Variants in DNAH14 observed in about 807,000 individuals in gnomAD.
DNAH14 encodes axonemal beta dynein heavy chain 14.
In DNAH14, 478 loss-of-function variants were observed where a neutral mutation model predicts 520.9. The observed-to-expected ratio is 0.92, with a 90% CI of 0.85 to 0.99. DNAH14 has a LOEUF of 0.99. DNAH14 is among the 50% of genes least tolerant of loss of function. The probability of loss-of-function intolerance (pLI) is 0.00; values close to 1 mark genes in which losing one functional copy is unlikely to be tolerated. For synonymous variants in DNAH14, 1,581 were observed against 1,757.2 expected (o/e 0.90, Z 2.51); for missense variants, 4,831 against 5,234.5 (o/e 0.92, Z 2.38).
chr1:225,011,052 C>T (rs191999174), intron 10 of DNAH14, among the ~76,000 whole-genome samples: 1 of 151,542 alleles, frequency 6.6e-6, no homozygotes, highest in East Asian at 1.9e-4. Flanking sequence ...AAAACAGCTC[C>T]TGGATTCATT....
At chr1:225,107,690 T>C (rs2076180472) in intron 23 of DNAH14, among the ~76,000 whole-genome samples, 1 of 152,188 alleles carries the variant, frequency 6.6e-6, no homozygotes, top group South Asian at 2.1e-4. Context: ...ATGGTAGCTC[T>C]ATTTTTAGTT....
intron 72 of DNAH14, among the ~76,000 whole-genome samples, chr1:225,352,781 C>T (rs546195047): frequency 1.3e-5 from 2 of 152,012 alleles, no homozygotes; most frequent in South Asian, 2.1e-4. Context: ...ATGCTATATG[C>T]GTTTAAATGT....
intron 7 of DNAH14, among the ~76,000 whole-genome samples, chr1:224,973,476 G>A (rs2061625755): frequency 6.6e-6 from 1 of 152,180 alleles, no homozygotes; most frequent in African/African-American, 2.4e-5. Flanking sequence ...GCATAATATA[G>A]GTGGCCATAT....
chr1:225,297,114 G>T (rs1360745306), intron 55 of DNAH14, among the ~76,000 whole-genome samples: 1 of 151,784 alleles, frequency 6.6e-6, no homozygotes, highest in Non-Finnish European at 1.5e-5. Flanking sequence ...ATGCCTTTAA[G>T]TTCAGAAATT....
At chr1:225,183,345 A>C (rs1337911522) in intron 36 of DNAH14, among the ~76,000 whole-genome samples, 1 of 152,256 alleles carries the variant, frequency 6.6e-6, no homozygotes, top group Non-Finnish European at 1.5e-5. Flanking sequence ...GCCTTGGGCA[A>C]GCCCCAGTGC....
Position 225,042,884 on chromosome 1 carries a change from C to A in DNAH14, c.1538C>A (p.Pro513Gln). 6.4e-7 allele frequency: 1 copy of A among 1,551,420 alleles called. No homozygotes were observed. The highest frequency in any genetic ancestry group is 8.7e-7 in the Non-Finnish European group (1 of 1,146,910). ...AAGGATTTGAGAAAAACATATGCAC[C>A]AATATTTGAAGTAAATCTATGCTTG... is the stretch of plus-strand genomic sequence containing the variant. ...VGKDLRKTYA[P>Q]IFEVNLCLRI... is the part of the protein sequence containing the mutation. Residue 513 changes from proline (P) to glutamine (Q), a missense_variant, in exon 13 of 86, where the codon CCA becomes CAA. Pro to Gln is a moderately conservative substitution (Grantham distance 76, BLOSUM62 -1). Transcript: ENST00000682510.
At chr1:225,227,757 T>C (rs916218941) in intron 41 of DNAH14, among the ~76,000 whole-genome samples, 1 of 152,144 alleles carries the variant, frequency 6.6e-6, no homozygotes, top group Non-Finnish European at 1.5e-5. Flanking sequence ...TAGGACATCT[T>C]AGCACCTCCC....
At chr1:225,085,897 T>C in intron 21 of DNAH14, 108 bp downstream of exon 21, 1 of 1,094,594 alleles carries the variant, frequency 9.1e-7, no homozygotes, top group Non-Finnish European at 1.2e-6. Flanking sequence ...ATCATTCATA[T>C]ACTTATATAA....
intron 62 of DNAH14, among the ~76,000 whole-genome samples, 162 bp from the exon 63 acceptor site, chr1:225,324,059 AC>A (rs1202545911): frequency 6.6e-6 from 1 of 151,754 alleles, no homozygotes; most frequent in African/African-American, 2.4e-5. Flanking sequence ...CTGGTGACCC[AC>A]CCACCTCGAC....
At chr1:225,030,636 TTCC>T (rs374564770) in intron 11 of DNAH14, among the ~76,000 whole-genome samples, 1 of 152,044 alleles carries the variant, frequency 6.6e-6, no homozygotes, top group African/African-American at 2.4e-5. Context: ...AAGACTAATC[TTCC>T]TCCAGACAAT....
chr1:225,388,616 G>T, intron 82 of DNAH14, 125 bp downstream of exon 82: 1 of 542,612 alleles, frequency 1.8e-6, no homozygotes, highest in Non-Finnish European at 3.3e-6. Context: ...AGCAAGGGAG[G>T]GATTCTTATC....
At chr1:225,354,567 C>T (rs1388269493) in intron 73 of DNAH14, among the ~76,000 whole-genome samples, 1 of 152,050 alleles carries the variant, frequency 6.6e-6, no homozygotes, top group African/African-American at 2.4e-5. Flanking sequence ...ACAATTATTT[C>T]CCTCATTTTA....
intron 4 of DNAH14, 106 bp from the exon 5 acceptor site, chr1:224,964,373 C>A: frequency 8.1e-7 from 1 of 1,237,132 alleles, no homozygotes; most frequent in Non-Finnish European, 1.0e-6. Flanking sequence ...TACTTTGTTA[C>A]CATTTAAATT....
At chr1:225,128,429 C>T (rs1392882297) in intron 27 of DNAH14, among the ~76,000 whole-genome samples, 3 of 152,102 alleles carry the variant, frequency 2.0e-5, no homozygotes, top group Non-Finnish European at 4.4e-5. Context: ...AAAATACTGG[C>T]AAACCGAATC....
At chr1:225,223,505 C>A (rs1207929370) in intron 41 of DNAH14, among the ~76,000 whole-genome samples, 2 of 152,084 alleles carry the variant, frequency 1.3e-5, no homozygotes, top group African/African-American at 2.4e-5. Flanking sequence ...CCATCAAACA[C>A]CCCTTGGAAT....
chr1:225,097,666 C>T (rs769600209), intron 22 of DNAH14, among the ~76,000 whole-genome samples: 1 of 151,348 alleles, frequency 6.6e-6, no homozygotes. Flanking sequence ...CCCAGCTACT[C>T]GGGAGGCTGA....
In DNAH14 at chr1:225,053,552, C is replaced by T. The variant is rs561823780; in HGVS notation, c.2424+1757C>T. Among the ~76,000 whole-genome samples the T allele has an allele frequency of 4.6e-5, 7 of 152,196 alleles. No homozygotes were observed. In the South Asian group the frequency reaches 1.5e-3, roughly 32 times the overall value. On this transcript the variant is annotated intron_variant, in intron 17 of 85. Transcript: ENST00000682510. Reference sequence around the variant, plus strand: ...GAAGTCGGGTAAAACAGGAGGAAAGCTGTTTCCATCATCTAGGGGAGAGGT... The same window carrying T: ...GAAGTCGGGTAAAACAGGAGGAAAGTTGTTTCCATCATCTAGGGGAGAGGT...
chr1:225,167,847 A>C, intron 35 of DNAH14, 92 bp from the exon 36 acceptor site: 1 of 633,836 alleles, frequency 1.6e-6, no homozygotes, highest in Non-Finnish European at 2.6e-6. Flanking sequence ...AAGAGCGGTA[A>C]TTGGTACCTA....
intron 17 of DNAH14, among the ~76,000 whole-genome samples, chr1:225,058,522 C>G (rs2069502676): frequency 6.6e-6 from 1 of 152,158 alleles, no homozygotes. Flanking sequence ...TTTTGTGTCT[C>G]TATGTCCTTC....
Sources: allele counts gnomAD v4.1 joint callset (sites outside exome capture counted in the v4.1 genomes callset), GRCh38; gene constraint gnomAD v4.1.1; transcripts MANE v1.5; gene names NCBI Gene and HGNC (gene_info 2026-07-23, HGNC 2026-07-21).